The following LDB2 variants were observed in gnomAD, a reference collection of about 807,000 sequenced individuals.
The protein encoded by LDB2 is LIM domain-binding protein 2.
In LDB2, 12 loss-of-function variants were observed where a neutral mutation model predicts 44.3. The ratio of observed to expected loss-of-function variants is 0.27; its 90% CI spans 0.17 to 0.44. The LOEUF is 0.44. Ranked by LOEUF, LDB2 falls within the 20% of genes least tolerant of loss-of-function variation. The pLI is 1.00. For synonymous variants in LDB2, 164 were observed against 174.8 expected, an observed-to-expected ratio of 0.94 and a Z score of 0.49; for missense variants, 344 against 473.5, an observed-to-expected ratio of 0.73 and a Z score of 2.54.
At chr4:16,618,822 G>A (rs1158157718) in intron 2 of LDB2, among the ~76,000 whole-genome samples, 2 of 152,142 alleles carry the variant, frequency 1.3e-5, no homozygotes, top group Non-Finnish European at 2.9e-5. Context: ...CCTGGTGGGA[G>A]GTAAAGGAAT....
intron 1 of LDB2, among the ~76,000 whole-genome samples, chr4:16,885,904 C>T (rs1721532171): frequency 6.6e-6 from 1 of 152,166 alleles, no homozygotes; most frequent in South Asian, 2.1e-4. Context: ...TAATCTTCTA[C>T]CGCAATGGGA....
intron 2 of LDB2, among the ~76,000 whole-genome samples, chr4:16,611,122 A>G (rs1253449264): frequency 6.6e-6 from 1 of 152,204 alleles, no homozygotes; most frequent in East Asian, 1.9e-4. Flanking sequence ...ACTAAACTTC[A>G]TAAGTGAAGG....
At chr4:16,805,084 AGAGG>A (rs1778528530) in intron 1 of LDB2, among the ~76,000 whole-genome samples, 1 of 151,982 alleles carries the variant, frequency 6.6e-6, no homozygotes, top group East Asian at 1.9e-4. Context: ...GAAAGGAGAG[AGAGG>A]GAGATGGAGA....
Position 16,571,494 on chromosome 4 carries a change from A to C in LDB2, c.615+14428T>G, listed in dbSNP as rs72619119. Among the ~76,000 whole-genome samples, 1,924 of 151,514 alleles carry C rather than the reference A, an allele frequency of 0.013. 156 individuals are homozygous for C. The East Asian group carries it at 0.24, about 19-fold the overall frequency. On this transcript the variant is annotated intron_variant, in intron 5 of 7. Coordinates refer to ENST00000304523, the MANE Select transcript of LDB2 (RefSeq NM_001290.5). ...TGGTCATCTCAGTAGAAATGACTTC[A>C]ATCCAGGTCTTTGATCCAGATCTCT...
At chr4:16,890,455 G>A (rs747810215) in intron 1 of LDB2, among the ~76,000 whole-genome samples, 5 of 152,280 alleles carry the variant, frequency 3.3e-5, no homozygotes, top group Non-Finnish European at 7.4e-5. Flanking sequence ...CTTCAGAGAG[G>A]TCTGCCAAAT....
At chr4:16,876,919 T>TTC (rs71649991) in intron 1 of LDB2, among the ~76,000 whole-genome samples, 35,683 of 146,260 alleles carry the variant, frequency 0.24, 4,950 homozygotes, top group East Asian at 0.67. Context: ...TTTTTTTTTT[T>TTC]CCTTAGAGAC....
intron 1 of LDB2, among the ~76,000 whole-genome samples, chr4:16,803,523 C>T (rs1371259316): frequency 1.3e-5 from 2 of 152,150 alleles, no homozygotes; most frequent in Non-Finnish European, 2.9e-5. Context: ...TAAATCAAAG[C>T]AGCACAAATT....
chr4:16,772,105 G>A (rs562112840), intron 1 of LDB2, among the ~76,000 whole-genome samples: 10 of 152,180 alleles, frequency 6.6e-5, no homozygotes, highest in South Asian at 2.1e-4. Flanking sequence ...AACCAGCTGC[G>A]TCCACCACCA....
At chr4:16,538,430 A>AAAAACAAAACAAAACAAAACAAAAAC (rs1267559767) in intron 5 of LDB2, among the ~76,000 whole-genome samples, 60 of 152,064 alleles carry the variant, frequency 3.9e-4, no homozygotes, top group African/African-American at 1.2e-3. Context: ...AAACAAAAAC[A>AAAAACAAAACAAAACAAAACAAAAAC]AAAACAAAAC....
At chr4:16,887,727 C>A (rs939908493) in intron 1 of LDB2, among the ~76,000 whole-genome samples, 15 of 151,866 alleles carry the variant, frequency 9.9e-5, no homozygotes, top group Admixed American at 2.0e-4. Flanking sequence ...AATAATTTAA[C>A]GTTTGAGCTA....
At chr4:16,602,460 G>T (rs577282105) in intron 2 of LDB2, among the ~76,000 whole-genome samples, 1 of 152,292 alleles carries the variant, frequency 6.6e-6, no homozygotes, top group South Asian at 2.1e-4. Flanking sequence ...GGTGGTCAAA[G>T]AGAACAAGAT....
intron 1 of LDB2, among the ~76,000 whole-genome samples, chr4:16,771,324 T>C (rs1770626787): frequency 6.6e-6 from 1 of 152,206 alleles, no homozygotes; most frequent in African/African-American, 2.4e-5. Flanking sequence ...AATAATGTTT[T>C]TCTTGATGAT....
intron 1 of LDB2, among the ~76,000 whole-genome samples, chr4:16,773,518 G>A (rs1771171874): frequency 2.0e-5 from 3 of 152,110 alleles, no homozygotes; most frequent in Admixed American, 2.0e-4. Flanking sequence ...CGCATGCACA[G>A]TTCACAATAG....
At chr4:16,755,551 C>T (rs1406825448) in intron 2 of LDB2, among the ~76,000 whole-genome samples, 1,683 of 27,576 alleles carry the variant, frequency 0.061, 12 homozygotes, top group South Asian at 0.11. Flanking sequence ...GACAGACAGA[C>T]AGAGAGAGAG....
chr4:16,819,798 A>C (rs1011875379), intron 1 of LDB2, among the ~76,000 whole-genome samples: 40 of 152,320 alleles, frequency 2.6e-4, no homozygotes, highest in African/African-American at 6.3e-4. Context: ...TGAATGAATC[A>C]GTTTCCTTTT....
At chr4:16,858,780 T>C (rs1470031251) in intron 1 of LDB2, among the ~76,000 whole-genome samples, 1 of 152,210 alleles carries the variant, frequency 6.6e-6, no homozygotes, top group East Asian at 1.9e-4. Flanking sequence ...CCTTTTTCCA[T>C]CCTGGACCTG....
intron 2 of LDB2, among the ~76,000 whole-genome samples, chr4:16,666,824 A>G (rs1326865584): frequency 1.3e-5 from 2 of 152,258 alleles, no homozygotes; most frequent in Non-Finnish European, 2.9e-5. Flanking sequence ...AGATTTGGAC[A>G]GAACAGGCAA....
chr4:16,562,479 T>C (rs1178672474), intron 5 of LDB2, among the ~76,000 whole-genome samples: 1 of 152,222 alleles, frequency 6.6e-6, no homozygotes, highest in African/African-American at 2.4e-5. Context: ...TCACCATCAC[T>C]GGCCATCAGA....
At chr4:16,557,655 G>T (rs906647120) in intron 5 of LDB2, among the ~76,000 whole-genome samples, 1 of 152,220 alleles carries the variant, frequency 6.6e-6, no homozygotes, top group African/African-American at 2.4e-5. Flanking sequence ...CAAACAAAAA[G>T]ACAGCAGTAA....
Sources: allele counts gnomAD v4.1 joint callset (sites outside exome capture counted in the v4.1 genomes callset), GRCh38; gene constraint gnomAD v4.1.1; transcripts MANE v1.5; gene names NCBI Gene and HGNC (gene_info 2026-07-23, HGNC 2026-07-21).